The following ASIC2 variants were observed in gnomAD, a reference collection of about 807,000 sequenced individuals.
ASIC2 encodes the protein acid sensing ion channel subunit 2.
Under a neutral mutation model 57.3 loss-of-function variants are expected in ASIC2, and 25 were observed. The observed-to-expected ratio is 0.44, with a 90% CI of 0.32 to 0.61. The LOEUF (loss-of-function observed/expected upper bound fraction) is 0.61. ASIC2 is among the 20% of genes least tolerant of loss of function. ASIC2 has a pLI of 0.06. For missense variants in ASIC2, 641 were observed against 738.1 expected (o/e 0.87, Z 1.52); for synonymous variants, 319 against 307.5 (o/e 1.04, Z -0.39).
At chr17:33,862,022 G>A (rs958025302) in intron 1 of ASIC2, among the ~76,000 whole-genome samples, 12 of 152,308 alleles carry the variant, frequency 7.9e-5, no homozygotes, top group African/African-American at 2.4e-4. Flanking sequence ...GCTGCACCAC[G>A]ATACTGTCTG....
intron 1 of ASIC2, among the ~76,000 whole-genome samples, chr17:33,323,045 T>C (rs1339073637): frequency 6.6e-6 from 1 of 152,152 alleles, no homozygotes; most frequent in Non-Finnish European, 1.5e-5. Flanking sequence ...GAGAATAATT[T>C]AACAAACAAG....
chr17:33,122,037 T>C (rs1326466545), intron 1 of ASIC2, among the ~76,000 whole-genome samples: 1 of 152,214 alleles, frequency 6.6e-6, no homozygotes, highest in African/African-American at 2.4e-5. Flanking sequence ...AGCACCCACT[T>C]GGCTGCCACC....
intron 3 of ASIC2, among the ~76,000 whole-genome samples, chr17:33,071,864 T>C (rs1598262956): frequency 6.6e-6 from 1 of 152,138 alleles, no homozygotes; most frequent in South Asian, 2.1e-4. Context: ...ATTATGAGGG[T>C]TTCCAGTTTG....
intron 1 of ASIC2, among the ~76,000 whole-genome samples, chr17:33,775,386 T>A (rs1911237407): frequency 6.6e-6 from 1 of 152,228 alleles, no homozygotes; most frequent in African/African-American, 2.4e-5. Flanking sequence ...GGGCTGACAC[T>A]CTGGGAGTAT....
At chr17:33,890,886 A>T (rs7214275) in intron 1 of ASIC2, among the ~76,000 whole-genome samples, 1 of 139,628 alleles carries the variant, frequency 7.2e-6, no homozygotes, top group Non-Finnish European at 1.5e-5. Flanking sequence ...AGCACTCTGC[A>T]GGCTGGAGAA....
intron 1 of ASIC2, among the ~76,000 whole-genome samples, chr17:34,104,083 C>T (rs995020492): frequency 2.0e-5 from 3 of 152,134 alleles, no homozygotes; most frequent in South Asian, 4.1e-4. Context: ...TTCCAACCCA[C>T]AAATATAGTA....
intron 1 of ASIC2, among the ~76,000 whole-genome samples, chr17:33,935,031 C>T (rs1294049695): frequency 6.6e-6 from 1 of 152,230 alleles, no homozygotes; most frequent in African/African-American, 2.4e-5. Context: ...CTGTCTAGGG[C>T]CCTGGGCAGC....
chr17:33,028,065 C>A (rs1880238290), intron 4 of ASIC2, among the ~76,000 whole-genome samples, 177 bp downstream of exon 4: 1 of 152,246 alleles, frequency 6.6e-6, no homozygotes, highest in African/African-American at 2.4e-5. Context: ...GCCTTGGTTG[C>A]TGGACCAGAA....
chr17:33,565,208 C>T (rs2141987121), intron 1 of ASIC2, among the ~76,000 whole-genome samples: 1 of 152,292 alleles, frequency 6.6e-6, no homozygotes, highest in Middle Eastern at 3.4e-3. Context: ...ATCTCTCTCT[C>T]TCATTAATAA....
At chr17:33,589,749 A>G (rs1251990019) in intron 1 of ASIC2, among the ~76,000 whole-genome samples, 1 of 152,106 alleles carries the variant, frequency 6.6e-6, no homozygotes, top group African/African-American at 2.4e-5. Context: ...TTCACACACC[A>G]CATTTTGTTT....
intron 1 of ASIC2, among the ~76,000 whole-genome samples, chr17:33,116,650 G>T (rs551491737): frequency 6.6e-6 from 1 of 152,230 alleles, no homozygotes; most frequent in African/African-American, 2.4e-5. Flanking sequence ...GGGGGTGGGG[G>T]CTCCTGAGAT....
Position 33,572,547 on chromosome 17 carries a change from C to T in ASIC2, c.556-460480G>A, listed in dbSNP as rs556331177. Among the ~76,000 whole-genome samples, 3 of 152,304 alleles carry T rather than the reference C, an allele frequency of 2.0e-5. No individual in the cohort carries two copies. In the South Asian group the frequency reaches 6.2e-4, roughly 32 times the overall value. On this transcript the variant is annotated intron_variant, in intron 1 of 9. Transcript: ENST00000359872. The stretch of plus-strand genomic sequence containing the variant: ...GGACTCAGGGAACCCACTGCCCTTA[C>T]CACACCCCAACCCTTGGTCATAAAT...
At chr17:33,731,130 C>A (rs1909726922) in intron 1 of ASIC2, among the ~76,000 whole-genome samples, 1 of 152,200 alleles carries the variant, frequency 6.6e-6, no homozygotes, top group East Asian at 1.9e-4. Context: ...AGGGCACAGG[C>A]ACCCTGTTTA....
intron 1 of ASIC2, among the ~76,000 whole-genome samples, chr17:33,121,686 G>A: frequency 6.6e-6 from 1 of 152,030 alleles, no homozygotes; most frequent in South Asian, 2.1e-4. Flanking sequence ...GACAACTATG[G>A]GCTCTACTAA....
rs775527566 is a variant in ASIC2 at position 34,156,008 on chromosome 17, C to T, written c.525G>A (p.Gly175=). Residue 175 remains glycine, a synonymous_variant, in exon 1 of 10, where the codon GGG becomes GGA. Coordinates refer to the ASIC2 transcript ENST00000359872. The surrounding 1 kb of genome is among the most constrained non-coding windows in gnomAD (Gnocchi z 4.4). ...TGAAGTCTTGGTGGCCGCACTCCTG[C>T]CCTTTGAACTTGCAGTAGAGCATCA... 3.2e-5 allele frequency: 51 copies of T among 1,612,298 alleles called. No individual in the cohort carries two copies. Among genetic ancestry groups the T allele is most frequent in the Admixed American group, 6.7e-5 (4 of 59,860 alleles).
intron 1 of ASIC2, among the ~76,000 whole-genome samples, chr17:33,760,988 T>G (rs1910761945): frequency 6.6e-6 from 1 of 152,204 alleles, no homozygotes; most frequent in South Asian, 2.1e-4. Context: ...AGGGCAATAA[T>G]TTTTGGCTGA....
chr17:33,167,540 T>C (rs57036889), intron 1 of ASIC2, among the ~76,000 whole-genome samples: 10,514 of 152,188 alleles, frequency 0.069, 906 homozygotes, highest in African/African-American at 0.2. Context: ...TCTCTCCAAA[T>C]AATGTTACCT....
intron 1 of ASIC2, among the ~76,000 whole-genome samples, chr17:33,353,847 G>C (rs145056205): frequency 4.2e-4 from 64 of 152,122 alleles, no homozygotes; most frequent in African/African-American, 1.5e-3. Context: ...CCAAGCACAG[G>C]GTCTCCATCA....
intron 1 of ASIC2, among the ~76,000 whole-genome samples, chr17:33,926,909 T>C (rs917421117): frequency 6.6e-6 from 1 of 152,120 alleles, no homozygotes; most frequent in Non-Finnish European, 1.5e-5. Flanking sequence ...TGCACTGTCA[T>C]CTTGGTGCTC....
Sources: allele counts gnomAD v4.1 joint callset (sites outside exome capture counted in the v4.1 genomes callset), GRCh38; gene constraint gnomAD v4.1.1; non-coding constraint Gnocchi (gnomAD v3.1); transcripts MANE v1.5; gene names NCBI Gene and HGNC (gene_info 2026-07-23, HGNC 2026-07-21).